Variants in ZMYND11 observed in about 807,000 individuals in gnomAD.
ZMYND11 encodes the protein zinc finger MYND domain-containing protein 11.
ZMYND11 carries 9 observed loss-of-function variants against 84.9 expected under a neutral mutation model. The ratio of observed to expected loss-of-function variants is 0.11; its 90% CI spans 0.06 to 0.18. The LOEUF is 0.18. Ranked by LOEUF, ZMYND11 falls within the 10% of genes least tolerant of loss-of-function variation. ZMYND11 has a pLI of 1.00. For missense variants in ZMYND11, 409 were observed against 761.0 expected (o/e 0.54, Z 5.44); for synonymous variants, 250 against 244.1 (o/e 1.02, Z -0.23).
chr10:229,615 G>A (rs1948666613), intron 4 of ZMYND11, among the ~76,000 whole-genome samples: 1 of 152,130 alleles, frequency 6.6e-6, no homozygotes, highest in African/African-American at 2.4e-5. Flanking sequence ...GTGATGTACT[G>A]TTCTTCAGGT....
At position 248,537 on chromosome 10, in the gene ZMYND11, G is replaced by C; in HGVS notation, c.1429G>C (p.Asp477His). 2 of 1,614,040 alleles carry C rather than the reference G, an allele frequency of 1.2e-6. No homozygotes were observed. Among genetic ancestry groups the C allele is most frequent in the Non-Finnish European group, 1.7e-6 (2 of 1,180,036 alleles). Residue 477 changes from aspartate (D) to histidine (H), a missense_variant, in exon 13 of 15, where the codon GAC (aspartate) becomes CAC (histidine). Asp to His is a moderately conservative substitution (Grantham distance 81). Coordinates refer to ENST00000381604, the MANE Select transcript of ZMYND11 (RefSeq NM_001370100.5). ...TGACAAATACACCAAGATCTTCAAT[G>C]ACTTCAAAGACCGGATGAAGTCGGA... ...CHDKYTKIFN[D>H]FKDRMKSDHK... is the part of the protein sequence containing the mutation.
chr10:200,372 A>ATATGTATAT (rs1383855145), intron 2 of ZMYND11, among the ~76,000 whole-genome samples: 1 of 145,290 alleles, frequency 6.9e-6, no homozygotes, highest in Non-Finnish European at 1.5e-5. Flanking sequence ...ATATGTGTAT[A>ATATGTATAT]TATGTATATA....
chr10:175,342 C>T (rs1159755966), intron 1 of ZMYND11, among the ~76,000 whole-genome samples: 8 of 152,090 alleles, frequency 5.3e-5, no homozygotes, highest in Non-Finnish European at 8.8e-5. Context: ...CCTAGGTGGG[C>T]GGATCACCTG....
chr10:186,619 T>A (rs1938542344), intron 2 of ZMYND11, among the ~76,000 whole-genome samples: 1 of 121,448 alleles, frequency 8.2e-6, no homozygotes, highest in South Asian at 2.7e-4. Flanking sequence ...GCACTCAGAC[T>A]GGGGAACAGA....
chr10:241,334 C>A (rs754475332), intron 9 of ZMYND11, among the ~76,000 whole-genome samples: 1 of 152,136 alleles, frequency 6.6e-6, no homozygotes, highest in South Asian at 2.1e-4. Flanking sequence ...CACGCCACCA[C>A]ACCTGGCTAA....
At chr10:203,804 G>T (rs1943657892) in intron 2 of ZMYND11, among the ~76,000 whole-genome samples, 1 of 152,108 alleles carries the variant, frequency 6.6e-6, no homozygotes, top group Non-Finnish European at 1.5e-5. Context: ...TGCAGTTTCT[G>T]GAAGGAATCA....
intron 14 of ZMYND11, chr10:249,915 A>G (rs907855580): frequency 2.9e-6 from 1 of 343,728 alleles, no homozygotes; most frequent in Non-Finnish European, 4.1e-6. Flanking sequence ...ATAGATGAAG[A>G]TAACTTGGTA....
chr10:176,365 A>G (rs1846625380), intron 1 of ZMYND11, among the ~76,000 whole-genome samples: 1 of 152,162 alleles, frequency 6.6e-6, no homozygotes, highest in South Asian at 2.1e-4. Flanking sequence ...GTTGGAGCAG[A>G]ACAAAGATTG....
At chr10:141,708 T>C (rs1323732837) in intron 1 of ZMYND11, among the ~76,000 whole-genome samples, 2 of 152,236 alleles carry the variant, frequency 1.3e-5, no homozygotes, top group South Asian at 2.1e-4. Flanking sequence ...TCTCCAGATA[T>C]TATCTGAGCA....
intron 3 of ZMYND11, among the ~76,000 whole-genome samples, chr10:220,308 A>G (rs1158370048): frequency 3.3e-5 from 5 of 152,218 alleles, no homozygotes; most frequent in Non-Finnish European, 7.4e-5. Context: ...CTACAAATAA[A>G]GTTGAGAATT....
intron 3 of ZMYND11, among the ~76,000 whole-genome samples, chr10:219,520 A>C (rs1946759513): frequency 6.6e-6 from 1 of 152,224 alleles, no homozygotes; most frequent in South Asian, 2.1e-4. Flanking sequence ...TATTTCCACC[A>C]AAACCTAATT....
At chr10:206,216 CA>C (rs1157884379) in intron 2 of ZMYND11, among the ~76,000 whole-genome samples, 1 of 152,028 alleles carries the variant, frequency 6.6e-6, no homozygotes, top group Admixed American at 6.6e-5. Flanking sequence ...AAAAATTAGC[CA>C]GGCGTGGTGG....
intron 5 of ZMYND11, 106 bp from the exon 6 acceptor site, chr10:237,479 C>G (rs1319406543): frequency 1.6e-5 from 11 of 677,060 alleles, no homozygotes; most frequent in Admixed American, 6.9e-5. Flanking sequence ...CCTGTCTCTA[C>G]AAAAATAAAA....
At chr10:234,994 G>GTGTT (rs1949701237) in intron 4 of ZMYND11, among the ~76,000 whole-genome samples, 1 of 151,900 alleles carries the variant, frequency 6.6e-6, no homozygotes, top group South Asian at 2.1e-4. Flanking sequence ...GTGTGTGTGT[G>GTGTT]TGTGTGTGTG....
rs1950045359 is a variant in ZMYND11, at chr10:236,737, CTT to C, written c.439-99_439-98del. The C allele has an allele frequency of 1.0e-5, 10 of 1,003,416 alleles. No individual in the cohort carries two copies. The East Asian group carries it at 1.1e-4, about 11-fold the overall frequency. 62.2% of individuals were successfully genotyped at this position (1,003,416 alleles called of 1,614,324 possible). ...GGAAAAAGAGCACTTTTAGTAAACT[CTT>C]TGCATACTATCTAAGTGTTTCATAT... On this transcript the variant is annotated intron_variant, in intron 4 of 14. Coordinates refer to ENST00000381604, the MANE Select transcript of ZMYND11 (RefSeq NM_001370100.5).
At chr10:226,433 G>A (rs1948145064) in intron 4 of ZMYND11, among the ~76,000 whole-genome samples, 1 of 152,112 alleles carries the variant, frequency 6.6e-6, no homozygotes, top group African/African-American at 2.4e-5. Flanking sequence ...TTGGAGACAT[G>A]GTTTGAAAGT....
chr10:137,131 A>G (rs1554752486), intron 1 of ZMYND11, among the ~76,000 whole-genome samples: 1 of 152,060 alleles, frequency 6.6e-6, no homozygotes, highest in African/African-American at 2.4e-5. Flanking sequence ...TTGTCACATA[A>G]GCTGTACTCA....
At chr10:180,243 A>T in intron 2 of ZMYND11, 115 bp downstream of exon 2, 1 of 671,462 alleles carries the variant, frequency 1.5e-6, no homozygotes, top group Admixed American at 3.2e-5. Context: ...AGAACTGAAG[A>T]CACTTTTTGC....
chr10:183,150 A>C (rs1046605404), intron 2 of ZMYND11, among the ~76,000 whole-genome samples: 1 of 151,532 alleles, frequency 6.6e-6, no homozygotes, highest in African/African-American at 2.4e-5. Flanking sequence ...ACTCTAGTTT[A>C]CTTCTGTATA....
Sources: allele counts gnomAD v4.1 joint callset (sites outside exome capture counted in the v4.1 genomes callset), GRCh38; gene constraint gnomAD v4.1.1; transcripts MANE v1.5; gene names NCBI Gene and HGNC (gene_info 2026-07-23, HGNC 2026-07-21).